The following NLGN1 variants were observed in gnomAD, a reference collection of about 807,000 sequenced individuals.
The protein encoded by NLGN1 is neuroligin-1.
In NLGN1, 12 loss-of-function variants were observed where a neutral mutation model predicts 65.5. That is an observed-to-expected ratio of 0.18 (90% CI 0.12 to 0.30). The LOEUF (loss-of-function observed/expected upper bound fraction) is 0.30. Among genes scored for constraint, NLGN1 ranks in the 10% least tolerant of loss-of-function variants. The pLI is 1.00. For synonymous variants in NLGN1, 350 were observed against 359.5 expected (o/e 0.97, Z 0.30); for missense variants, 750 against 1,007.1 (o/e 0.74, Z 3.46).
chr3:174,180,928 A>C (rs957362200), intron 4 of NLGN1: 1 of 152,148 alleles, frequency 6.6e-6, no homozygotes, highest in Admixed American at 6.6e-5. Context: ...AGAGGTATTT[A>C]AATCAGTTTT....
intron 4 of NLGN1, among the ~76,000 whole-genome samples, chr3:174,099,219 T>G (rs2152572321): frequency 6.6e-6 from 1 of 152,350 alleles, no homozygotes; most frequent in African/African-American, 2.4e-5. Context: ...TTGAAGATGA[T>G]AAACACCTGG....
chr3:174,028,353 T>A (rs1436924567), intron 4 of NLGN1, among the ~76,000 whole-genome samples: 1 of 152,152 alleles, frequency 6.6e-6, no homozygotes, highest in Non-Finnish European at 1.5e-5. Context: ...GATAGTGATA[T>A]GGACAATGAA....
At position 174,107,013 on chromosome 3, in the gene NLGN1, CACACAGAGAGAGAGAGAG is replaced by C. The variant is rs1291124129; in HGVS notation, c.647-168300_647-168283del. Among the ~76,000 whole-genome samples, 70 of 100,576 alleles carry C rather than the reference CACACAGAGAGAGAGAGAG, an allele frequency of 7.0e-4. 1 individual carries two copies. Among genetic ancestry groups the C allele is most frequent in the African/African-American group, 3.2e-3 (66 of 20,336 alleles). 66.0% of individuals were successfully genotyped at this position (100,576 alleles called of 152,430 possible). On this transcript the variant is annotated intron_variant, in intron 4 of 6. Transcript: ENST00000457714. ...ACACACACACACACACACACACACACACACAGAGAGAGAGAGAGAGAGAGAGAGAGAGAGAGAGAAATA... is the reference window on the plus strand; with the variant it reads ...ACACACACACACACACACACACACACAGAGAGAGAGAGAGAGAGAGAAATA...
intron 4 of NLGN1, among the ~76,000 whole-genome samples, chr3:174,020,074 T>C (rs1034838949): frequency 6.6e-6 from 1 of 152,144 alleles, no homozygotes; most frequent in African/African-American, 2.4e-5. Flanking sequence ...TGCACACTTC[T>C]TTTGAAAATT....
chr3:173,562,292 G>C (rs1742861445), intron 2 of NLGN1, among the ~76,000 whole-genome samples: 1 of 152,170 alleles, frequency 6.6e-6, no homozygotes. Context: ...TAGTAGACTG[G>C]GTGCTGTGGC....
intron 4 of NLGN1, among the ~76,000 whole-genome samples, chr3:173,821,088 C>G (rs547564433): frequency 6.6e-6 from 1 of 152,190 alleles, no homozygotes; most frequent in South Asian, 2.1e-4. Flanking sequence ...TAATTATATT[C>G]TAAAATTTTT....
chr3:173,590,104 TG>T (rs1425706355), intron 2 of NLGN1, among the ~76,000 whole-genome samples: 1 of 152,132 alleles, frequency 6.6e-6, no homozygotes, highest in Non-Finnish European at 1.5e-5. Context: ...GTGAATATTG[TG>T]AATGGTTGTC....
chr3:173,848,352 C>G (rs558779941), intron 4 of NLGN1, among the ~76,000 whole-genome samples: 1 of 152,134 alleles, frequency 6.6e-6, no homozygotes, highest in Non-Finnish European at 1.5e-5. Flanking sequence ...ATCACTTTCC[C>G]AAAAGTTGCA....
At chr3:173,564,261 C>G (rs1743273001) in intron 2 of NLGN1, among the ~76,000 whole-genome samples, 1 of 152,192 alleles carries the variant, frequency 6.6e-6, no homozygotes, top group African/African-American at 2.4e-5. Flanking sequence ...GTATTTTCCT[C>G]TATGCTCTTT....
intron 4 of NLGN1, among the ~76,000 whole-genome samples, chr3:174,144,549 C>G (rs1722856280): frequency 6.6e-6 from 1 of 152,192 alleles, no homozygotes; most frequent in Non-Finnish European, 1.5e-5. Flanking sequence ...AAAAGCATTC[C>G]TATTTCTCCA....
chr3:174,007,924 G>T (rs1233947815), intron 4 of NLGN1, among the ~76,000 whole-genome samples: 1 of 149,562 alleles, frequency 6.7e-6, no homozygotes, highest in East Asian at 2.0e-4. Flanking sequence ...TGAGTACATT[G>T]GTTTTGCTGA....
chr3:174,238,565 G>A lies in NLGN1; in HGVS notation c.647-36750G>A, dbSNP rs114100142. Reference sequence around the variant, plus strand: ...TTTAGTAGAGATGGGGTTTTACCACGTTGGCCCGGATGGTCTCAATCTCTT... The same window carrying A: ...TTTAGTAGAGATGGGGTTTTACCACATTGGCCCGGATGGTCTCAATCTCTT... On this transcript the variant is annotated intron_variant, in intron 4 of 6. Coordinates refer to ENST00000457714, the Ensembl canonical transcript of NLGN1. 5.8e-3 allele frequency among the ~76,000 whole-genome samples: 886 copies of A among 152,234 alleles called. 5 individuals are homozygous for A. The highest frequency in any genetic ancestry group is 0.02 in the African/African-American group (842 of 41,550).
chr3:173,443,308 TTATATATATACTA>T (rs1214036602), intron 2 of NLGN1, among the ~76,000 whole-genome samples: 1 of 64,306 alleles, frequency 1.6e-5, no homozygotes, highest in East Asian at 9.5e-4. Flanking sequence ...AGTATATATA[TTATATATATACTA>T]TATATATATA....
chr3:173,878,884 T>C (rs974993270), intron 4 of NLGN1, among the ~76,000 whole-genome samples: 5 of 152,088 alleles, frequency 3.3e-5, no homozygotes, highest in African/African-American at 1.2e-4. Context: ...ACCTTTTGAC[T>C]CACTCAGCAT....
chr3:174,120,618 G>T (rs1717570208), intron 4 of NLGN1, among the ~76,000 whole-genome samples: 1 of 152,076 alleles, frequency 6.6e-6, no homozygotes. Context: ...GACCCACTTT[G>T]ACTTCTTAAA....
chr3:173,594,946 G>A (rs1749200423), intron 2 of NLGN1, among the ~76,000 whole-genome samples: 1 of 152,168 alleles, frequency 6.6e-6, no homozygotes, highest in Non-Finnish European at 1.5e-5. Context: ...CAAGTCTGTA[G>A]ATTGCACACA....
intron 4 of NLGN1, among the ~76,000 whole-genome samples, chr3:174,264,639 C>T (rs1040733775): frequency 1.3e-5 from 2 of 150,506 alleles, no homozygotes; most frequent in African/African-American, 4.9e-5. Context: ...TGTCCTCCCG[C>T]AGCTCAGAGT....
At position 173,585,389 on chromosome 3, in the gene NLGN1, G is replaced by A. The variant is rs78994826; in HGVS notation, c.-320-18890G>A. Among the ~76,000 whole-genome samples, 712 of 152,226 alleles carry A rather than the reference G, an allele frequency of 4.7e-3. 29 individuals are homozygous for A. The East Asian group carries it at 0.11, about 23-fold the overall frequency. ...GAGCGGAAAAGCCCAAGTAGAAATC[G>A]CTGGTGCTTCGGCCGCCGTTTCTGC... On this transcript the variant is annotated intron_variant, in intron 2 of 6. Coordinates refer to ENST00000457714, the Ensembl canonical transcript of NLGN1.
At chr3:173,483,479 TTAAATGAAAGGATAA>T (rs1727640160) in intron 2 of NLGN1, among the ~76,000 whole-genome samples, 1 of 152,048 alleles carries the variant, frequency 6.6e-6, no homozygotes, top group East Asian at 1.9e-4. Context: ...TCCCACAATT[TTAAATGAAAGGATAA>T]CAGTTTATCA....
Sources: gnomAD v4.1 joint callset for allele counts (sites outside exome capture counted in the v4.1 genomes callset) on GRCh38, gnomAD v4.1.1 for gene constraint, MANE v1.5 for transcripts, NCBI Gene and HGNC (gene_info 2026-07-23, HGNC 2026-07-21) for gene names.